ZDHHC2: variants seen among roughly 807,000 people sequenced by gnomAD.
ZDHHC2 encodes the protein zDHHC palmitoyltransferase 2.
A neutral mutation model predicts 55.6 loss-of-function variants in ZDHHC2; 51 were observed. That is an observed-to-expected ratio of 0.92 (90% CI 0.73 to 1.16). The LOEUF (loss-of-function observed/expected upper bound fraction) is 1.16, where lower values mean the gene tolerates loss of function less well. Ranked by LOEUF, ZDHHC2 falls within the 50% of genes most tolerant of loss-of-function variation. ZDHHC2 has a pLI of 0.00. For synonymous variants in ZDHHC2, 199 were observed against 152.9 expected (o/e 1.30, Z -2.22); for missense variants, 491 against 442.4 (o/e 1.11, Z -0.99).
chr8:17,174,976 C>A (rs533102440), intron 1 of ZDHHC2, among the ~76,000 whole-genome samples: 1 of 152,278 alleles, frequency 6.6e-6, no homozygotes, highest in East Asian at 1.9e-4. Context: ...ATCCAGCTGC[C>A]TTAGCTTCCC....
At position 17,221,929 on chromosome 8, in the gene ZDHHC2, A is replaced by G. The variant is rs13278086; in HGVS notation, c.*1708A>G. ...CTATAGCTACTGCTAGAAGTCTTAA[A>G]AAAACCAACAGCAGCACAGGATGTA... On this transcript the variant is annotated 3_prime_UTR_variant, in exon 13 of 13. Coordinates refer to ENST00000262096, the MANE Select transcript of ZDHHC2 (RefSeq NM_016353.5). The G allele has an allele frequency of 0.1, 15,224 of 150,554 alleles. 1,068 individuals carry two copies. Among genetic ancestry groups the G allele is most frequent in the Non-Finnish European group, 0.15 (10,411 of 67,652 alleles). The allele number at this position is 150,554 out of a possible 1,614,324, so 9.3% of individuals were successfully genotyped here.
intron 6 of ZDHHC2, among the ~76,000 whole-genome samples, chr8:17,203,358 G>T (rs1806912888): frequency 6.6e-6 from 1 of 152,002 alleles, no homozygotes; most frequent in East Asian, 1.9e-4. Context: ...TGCCTCCCGA[G>T]TAGCTGGAAC....
At chr8:17,208,858 CT>C (rs1807234003) in intron 8 of ZDHHC2, among the ~76,000 whole-genome samples, 1 of 152,228 alleles carries the variant, frequency 6.6e-6, no homozygotes, top group Admixed American at 6.5e-5. Context: ...CTAGATTTAA[CT>C]TGTAGCACTG....
At chr8:17,168,258 C>T (rs530887885) in intron 1 of ZDHHC2, among the ~76,000 whole-genome samples, 6 of 152,224 alleles carry the variant, frequency 3.9e-5, no homozygotes, top group East Asian at 1.9e-4. Context: ...GTGAATGAGC[C>T]GCTTAGCATG....
At chr8:17,195,660 C>T in intron 4 of ZDHHC2, 36 bp downstream of exon 4, 1 of 1,611,190 alleles carries the variant, frequency 6.2e-7, no homozygotes, top group Non-Finnish European at 8.5e-7. Context: ...CAATGGTATG[C>T]AAATAACATC....
At chr8:17,215,086 G>A (rs1365287667) in intron 10 of ZDHHC2, 151 bp from the exon 11 acceptor site, 2 of 637,894 alleles carry the variant, frequency 3.1e-6, no homozygotes, top group Non-Finnish European at 5.4e-6. Context: ...GCTATTTAAT[G>A]TCTTATTCTT....
intron 6 of ZDHHC2, among the ~76,000 whole-genome samples, chr8:17,204,020 A>T (rs1193462913): frequency 6.6e-6 from 1 of 151,904 alleles, no homozygotes; most frequent in Non-Finnish European, 1.5e-5. Flanking sequence ...GTTGGCCAGG[A>T]TGGCCTTGAT....
chr8:17,184,843 AT>A (rs1177563755), intron 2 of ZDHHC2, 28 bp downstream of exon 2: 1 of 1,518,334 alleles, frequency 6.6e-7, no homozygotes, highest in Non-Finnish European at 8.8e-7. Flanking sequence ...AATGTTATAG[AT>A]TTTTTAAATA....
intron 1 of ZDHHC2, among the ~76,000 whole-genome samples, chr8:17,180,932 CTTGAAGCCCAG>C (rs1805400658): frequency 6.6e-6 from 1 of 152,178 alleles, no homozygotes; most frequent in African/African-American, 2.4e-5. Context: ...TTCAAAGTTG[CTTGAAGCCCAG>C]TTGAAGCCAG....
In ZDHHC2 at chr8:17,223,332, A is replaced by G. The variant is rs1807995788; in HGVS notation, c.*3111A>G. The G allele has an allele frequency of 6.6e-6, 1 of 151,860 alleles. No homozygotes were observed. The highest frequency in any genetic ancestry group is 1.5e-5 in the Non-Finnish European group (1 of 67,780). 9.4% of individuals were successfully genotyped at this position (151,860 alleles called of 1,614,324 possible). A position where few individuals can be genotyped will look rare whatever the true frequency, so the allele number is the denominator to read the frequency against. On this transcript the variant is annotated 3_prime_UTR_variant, in exon 13 of 13. Coordinates refer to ENST00000262096, the MANE Select transcript of ZDHHC2 (RefSeq NM_016353.5). ...GTAAATCATGATGGTGTCCTCCAGC[A>G]CAACCATCCCACCCACACACCTAGA...
rs1274136623 is a variant in ZDHHC2 at position 17,199,652 on chromosome 8, C to T, written c.476+1239C>T. ...TTCTTCTTCTTCTCCTCCTCCTCCT[C>T]CCTCCTCCCTCCTCCCTCCTTCTTC... On this transcript the variant is annotated intron_variant, in intron 6 of 12. Coordinates refer to ENST00000262096, the MANE Select transcript of ZDHHC2 (RefSeq NM_016353.5). 2.1e-3 allele frequency among the ~76,000 whole-genome samples: 75 copies of T among 35,724 alleles called. 2 individuals are homozygous for T. The highest frequency in any genetic ancestry group is 0.028 in the Middle Eastern group (1 of 36). The allele number at this position is 35,724 out of a possible 152,430, so 23.4% of individuals were successfully genotyped here.
At chr8:17,169,050 G>A (rs1804734480) in intron 1 of ZDHHC2, among the ~76,000 whole-genome samples, 1 of 152,118 alleles carries the variant, frequency 6.6e-6, no homozygotes. Context: ...ACCTAAGAGT[G>A]GAATTGGTCA....
chr8:17,204,788 C>G (rs1807014523), intron 6 of ZDHHC2, among the ~76,000 whole-genome samples: 1 of 152,052 alleles, frequency 6.6e-6, no homozygotes, highest in Non-Finnish European at 1.5e-5. Context: ...AACAAACCTG[C>G]ACTTGTATCC....
intron 2 of ZDHHC2, 53 bp downstream of exon 2, chr8:17,184,868 T>C: frequency 2.1e-6 from 3 of 1,424,474 alleles, no homozygotes; most frequent in Non-Finnish European, 2.8e-6. Flanking sequence ...TGAAAAAAAA[T>C]TGTATTCACT....
At chr8:17,178,211 A>C (rs1376739960) in intron 1 of ZDHHC2, among the ~76,000 whole-genome samples, 1 of 152,192 alleles carries the variant, frequency 6.6e-6, no homozygotes, top group Non-Finnish European at 1.5e-5. Flanking sequence ...GATACCATTT[A>C]GGACAGTAAC....
At chr8:17,185,896 A>G (rs949597161) in intron 2 of ZDHHC2, among the ~76,000 whole-genome samples, 1 of 152,240 alleles carries the variant, frequency 6.6e-6, no homozygotes, top group African/African-American at 2.4e-5. Context: ...CCAAGCAAAT[A>G]AGCAAACAGC....
chr8:17,192,183 A>C (rs1236736518), intron 3 of ZDHHC2, among the ~76,000 whole-genome samples: 1 of 151,978 alleles, frequency 6.6e-6, no homozygotes, highest in Admixed American at 6.6e-5. Flanking sequence ...ATGAGATTTC[A>C]CTATGTTGCC....
intron 1 of ZDHHC2, among the ~76,000 whole-genome samples, chr8:17,159,899 T>A (rs1804250766): frequency 6.6e-6 from 1 of 152,166 alleles, no homozygotes; most frequent in Non-Finnish European, 1.5e-5. Flanking sequence ...GTCCCTCCTG[T>A]CCCTCTCTCC....
At chr8:17,199,509 T>TTCTTCTTCGTCTTCATCTTCGTCTTCG (rs1297662337) in intron 6 of ZDHHC2, among the ~76,000 whole-genome samples, 1 of 121,116 alleles carries the variant, frequency 8.3e-6, no homozygotes, top group African/African-American at 3.7e-5. Flanking sequence ...CTTCTTCTTC[T>TTCTTCTTCGTCTTCATCTTCGTCTTCG]TCTTCGTCTT....
Sources: allele counts gnomAD v4.1 joint callset (sites outside exome capture counted in the v4.1 genomes callset), GRCh38; gene constraint gnomAD v4.1.1; transcripts MANE v1.5; gene names NCBI Gene and HGNC (gene_info 2026-07-23, HGNC 2026-07-21).